VWF: variants seen among roughly 807,000 people sequenced by gnomAD.
VWF encodes the protein Factor VIII related antigen.
In VWF, 176 loss-of-function variants were observed where a neutral mutation model predicts 308.6. That is an observed-to-expected ratio of 0.57 (90% CI 0.50 to 0.65). The LOEUF (loss-of-function observed/expected upper bound fraction) is 0.65, where lower values mean the gene tolerates loss of function less well. Ranked by LOEUF, VWF falls within the 30% of genes least tolerant of loss-of-function variation. The pLI is 0.00. For synonymous variants in VWF, 1,385 were observed against 1,443.4 expected, an observed-to-expected ratio of 0.96 and a Z score of 0.92; for missense variants, 3,146 against 3,648.2, an observed-to-expected ratio of 0.86 and a Z score of 3.55.
intron 47 of VWF, among the ~76,000 whole-genome samples, chr12:5,958,839 T>C (rs1014202707): frequency 6.6e-6 from 1 of 152,208 alleles, no homozygotes; most frequent in Non-Finnish European, 1.5e-5. Context: ...TAACTGACTG[T>C]AATTCTTAGT....
intron 5 of VWF, among the ~76,000 whole-genome samples, chr12:6,103,484 A>G (rs1565391187): frequency 0.02 from 2,790 of 138,624 alleles, 312 homozygotes; most frequent in African/African-American, 0.074. Context: ...GTGTATATAC[A>G]TATATGTGTA....
At position 5,959,726 on chromosome 12, in the gene VWF, A is replaced by G. The variant is rs537096370; in HGVS notation, c.7888-6132T>C. The stretch of plus-strand genomic sequence containing the variant: ...ATAAAGTATTGAAAAACACACCACC[A>G]TATTTGGAAATTAAATAAAATACTT... On this transcript the variant is annotated intron_variant, in intron 47 of 51. Transcript: ENST00000261405. 4.9e-4 allele frequency among the ~76,000 whole-genome samples: 74 copies of G among 152,212 alleles called. 1 individual carries two copies. Among genetic ancestry groups the G allele is most frequent in the Middle Eastern group, 6.8e-3 (2 of 294 alleles).
At chr12:6,064,564 G>A (rs1179094062) in intron 11 of VWF, among the ~76,000 whole-genome samples, 180 bp from the exon 12 acceptor site, 4 of 152,300 alleles carry the variant, frequency 2.6e-5, no homozygotes, top group Non-Finnish European at 4.4e-5. Flanking sequence ...TGTGCAGCAA[G>A]AAGGCTTGCT....
At position 6,016,606 on chromosome 12, in the gene VWF, T is replaced by C; in HGVS notation, c.5221A>G (p.Ile1741Val). 2 of 1,614,152 alleles carry C rather than the reference T, an allele frequency of 1.2e-6. No individual in the cohort carries two copies. The highest frequency in any genetic ancestry group is 1.1e-5 in the South Asian group (1 of 91,082). Residue 1741 changes from isoleucine to valine, a missense_variant, in exon 30 of 52, where the codon ATT (isoleucine) becomes GTT (valine). Physicochemically the swap from Ile to Val is conservative, Grantham distance 29. This residue lies in a region of VWF where 853 missense variants were observed against 1,177.8 expected (regional missense o/e 0.72). Transcript: ENST00000261405. The part of the protein sequence containing the change: ...SVLQYGSITT[I>V]DVPWNVVPEK... ...GGGACCACGTTCCATGGCACGTCAATGGTGGTGATGCTTCCATACTGCAGC... is the reference window on the plus strand; with the variant it reads ...GGGACCACGTTCCATGGCACGTCAACGGTGGTGATGCTTCCATACTGCAGC...
At chr12:6,109,865 T>C (rs1184373536) in intron 5 of VWF, among the ~76,000 whole-genome samples, 1 of 152,208 alleles carries the variant, frequency 6.6e-6, no homozygotes, top group Non-Finnish European at 1.5e-5. Context: ...TTAGCCAGGA[T>C]GGTCTCAATC....
At chr12:6,022,446 G>A (rs1243166340) in intron 26 of VWF, among the ~76,000 whole-genome samples, 2 of 151,778 alleles carry the variant, frequency 1.3e-5, no homozygotes, top group African/African-American at 2.4e-5. Flanking sequence ...AGACACACTC[G>A]TCACAGTTAC....
In VWF at chr12:5,952,710, C is replaced by G. The variant is rs545246037; in HGVS notation, c.7987-191G>C. ...GGAGTCCCAGTTTTACAGCTTGTAT[C>G]CTATGAACAGGGCTGCTATGTAGAC... On this transcript the variant is annotated intron_variant, in intron 48 of 51. Coordinates refer to ENST00000261405, the MANE Select transcript of VWF (RefSeq NM_000552.5). Among the ~76,000 whole-genome samples, 38 of 152,312 alleles carry G rather than the reference C, an allele frequency of 2.5e-4. No individual in the cohort carries two copies. The South Asian group carries it at 7.1e-3, about 28-fold the overall frequency.
Position 6,024,967 on chromosome 12 carries a change from A to G in VWF, c.3222+613T>C, listed in dbSNP as rs1944173880. ...GAGCCCAGGAGGCAGAGGCTGCACT[A>G]AGCCAAGATCATGCCATTGCACTCC... On this transcript the variant is annotated intron_variant, in intron 24 of 51. Coordinates refer to ENST00000261405, the MANE Select transcript of VWF (RefSeq NM_000552.5). This position sits in a 1 kb window ranked among gnomAD's most constrained non-coding sequence, Gnocchi z 4.0. Among the ~76,000 whole-genome samples the G allele has an allele frequency of 6.6e-6, 1 of 151,646 alleles. No individual in the cohort carries two copies. The highest frequency in any genetic ancestry group is 1.9e-4 in the East Asian group (1 of 5,160).
chr12:6,111,974 A>G (rs532636580), intron 3 of VWF, among the ~76,000 whole-genome samples: 1 of 152,230 alleles, frequency 6.6e-6, no homozygotes, highest in East Asian at 1.9e-4. Context: ...AATAAAAAAT[A>G]AAAATAAATA....
rs1230193810 is a variant in VWF at position 6,020,784 on chromosome 12, G to A, written c.3675-1041C>T. ...GTGTCCCCCTGCGGCTTGATACCAG[G>A]TGATGCCACCAGCCTGCTGTGGGAC... is the stretch of plus-strand genomic sequence containing the variant. On this transcript the variant is annotated intron_variant, in intron 27 of 51. Transcript: ENST00000261405. The surrounding 1 kb of genome is among the most constrained non-coding windows in gnomAD (Gnocchi z 4.3). Among the ~76,000 whole-genome samples, 1 of 152,256 alleles carries A rather than the reference G, an allele frequency of 6.6e-6. No homozygotes were observed. Among genetic ancestry groups the A allele is most frequent in the Non-Finnish European group, 1.5e-5 (1 of 68,044 alleles).
Position 6,044,310 on chromosome 12 carries a change from C to G in VWF, c.2423G>C (p.Cys808Ser). Reference sequence around the variant, plus strand: ...ACTCACCATGCCCGGGGGGCAGAGGCAGCCAGAGACACAGCCCATGCTCAT... The same window carrying G: ...ACTCACCATGCCCGGGGGGCAGAGGGAGCCAGAGACACAGCCCATGCTCAT... ...ECMSMGCVSG[C>S]LCPPGMVRHE... The change falls in exon 18 of 52, where the codon TGC becomes TCC. Residue 808 changes from cysteine (C) to serine (S), a missense_variant. Around this residue, in one of 3 missense-constraint regions of VWF, gnomAD observed 1,304 missense variants for 1,353.0 expected, o/e 0.96. Coordinates refer to ENST00000261405, the MANE Select transcript of VWF (RefSeq NM_000552.5). The G allele has an allele frequency of 6.2e-7, 1 of 1,614,168 alleles. No homozygotes were observed. Among genetic ancestry groups the G allele is most frequent in the Non-Finnish European group, 8.5e-7 (1 of 1,180,034 alleles).
At chr12:6,069,646 A>G (rs1156517836) in intron 10 of VWF, among the ~76,000 whole-genome samples, 3 of 152,188 alleles carry the variant, frequency 2.0e-5, no homozygotes, top group African/African-American at 7.2e-5. Context: ...CAAAACTCCC[A>G]AACTAGAAAA....
intron 47 of VWF, among the ~76,000 whole-genome samples, chr12:5,958,082 G>A (rs1943270041): frequency 6.6e-6 from 1 of 151,460 alleles, no homozygotes; most frequent in South Asian, 2.1e-4. Flanking sequence ...CAGTGAAAAG[G>A]CCAATAAAGA....
intron 6 of VWF, among the ~76,000 whole-genome samples, chr12:6,095,079 T>C (rs1256148000): frequency 6.6e-6 from 1 of 152,024 alleles, no homozygotes; most frequent in Admixed American, 6.5e-5. Flanking sequence ...ATTACAGGAA[T>C]GAGCCACAGG....
At chr12:6,067,844 G>T (rs1944733610) in intron 10 of VWF, among the ~76,000 whole-genome samples, 1 of 152,018 alleles carries the variant, frequency 6.6e-6, no homozygotes, top group African/African-American at 2.4e-5. Flanking sequence ...AAAAAAAAGA[G>T]CATCCAGGCC....
At chr12:5,984,424 A>G (rs1243235115) in intron 40 of VWF, among the ~76,000 whole-genome samples, 2 of 152,222 alleles carry the variant, frequency 1.3e-5, no homozygotes, top group Admixed American at 6.5e-5. Flanking sequence ...AGTTCCTTGG[A>G]CTGTCCCCTG....
At position 6,065,125 on chromosome 12, in the gene VWF, G is replaced by A. The variant is rs183119052; in HGVS notation, c.1293+12C>T. On this transcript the variant is annotated intron_variant, in intron 11 of 51. Transcript: ENST00000261405. ...CTACCACCCGACCAGCAGCCGGGCT[G>A]GCAAAGCTCACCTGGACAGTCTCAA... 41 of 1,614,146 alleles carry A rather than the reference G, an allele frequency of 2.5e-5. No individual in the cohort carries two copies. In the African/African-American group the frequency reaches 4.3e-4, roughly 17 times the overall value.
At chr12:5,980,132 A>AGTG (rs1943584837) in intron 42 of VWF, among the ~76,000 whole-genome samples, 3 of 112,544 alleles carry the variant, frequency 2.7e-5, no homozygotes, top group African/African-American at 6.4e-5. Flanking sequence ...GGAAGGAAGG[A>AGTG]AGGAAGAAAG....
intron 9 of VWF, 47 bp downstream of exon 9, chr12:6,072,284 A>C (rs771557518): frequency 1.3e-6 from 2 of 1,576,258 alleles, no homozygotes; most frequent in East Asian, 2.2e-5. Flanking sequence ...TTCCCTCCCC[A>C]GTCCCCCAGG....
Sources: gnomAD v4.1 joint callset for allele counts (sites outside exome capture counted in the v4.1 genomes callset) on GRCh38, gnomAD v4.1.1 for gene constraint, gnomAD v4.1.1 regional missense constraint, Gnocchi (gnomAD v3.1) non-coding constraint, MANE v1.5 for transcripts, NCBI Gene and HGNC (gene_info 2026-07-23, HGNC 2026-07-21) for gene names.